Variants in CNTN5 observed in about 807,000 individuals in gnomAD.
CNTN5 encodes contactin 5.
A neutral mutation model predicts 129.1 loss-of-function variants in CNTN5; 77 were observed. The observed-to-expected ratio is 0.60, with a 90% CI of 0.50 to 0.72. CNTN5 has a LOEUF of 0.72. Ranked by LOEUF, CNTN5 falls within the 30% of genes least tolerant of loss-of-function variation. The pLI is 0.00. For synonymous variants in CNTN5, 509 were observed against 465.6 expected, an observed-to-expected ratio of 1.09 and a Z score of -1.20; for missense variants, 1,478 against 1,328.8, an observed-to-expected ratio of 1.11 and a Z score of -1.75.
intron 1 of CNTN5, among the ~76,000 whole-genome samples, chr11:99,229,644 G>A (rs1048326979): frequency 6.6e-6 from 1 of 151,856 alleles, no homozygotes; most frequent in Admixed American, 6.6e-5. Flanking sequence ...AGGAGAGCGT[G>A]ATTTTAAACA....
chr11:99,760,289 A>G (rs1208088680), intron 3 of CNTN5, among the ~76,000 whole-genome samples: 1 of 152,112 alleles, frequency 6.6e-6, no homozygotes, highest in Non-Finnish European at 1.5e-5. Context: ...AACTGTCACA[A>G]TTACGCTAAT....
chr11:99,626,586 T>G (rs954685221), intron 3 of CNTN5, among the ~76,000 whole-genome samples: 1 of 152,180 alleles, frequency 6.6e-6, no homozygotes, highest in Non-Finnish European at 1.5e-5. Context: ...ATTGCAGTGC[T>G]GGCTTTCTGC....
intron 9 of CNTN5, among the ~76,000 whole-genome samples, chr11:100,025,904 GA>G (rs1297030393): frequency 8.2e-4 from 125 of 152,288 alleles, no homozygotes; most frequent in African/African-American, 2.9e-3. Context: ...TCGTGTCTCA[GA>G]TGAGACTTTG....
intron 3 of CNTN5, among the ~76,000 whole-genome samples, chr11:99,577,092 G>T (rs1053154738): frequency 6.6e-6 from 1 of 152,062 alleles, no homozygotes; most frequent in Non-Finnish European, 1.5e-5. Flanking sequence ...ACTTTTTGTG[G>T]CACAATTGTT....
intron 2 of CNTN5, among the ~76,000 whole-genome samples, chr11:99,411,698 A>G (rs1478236589): frequency 2.0e-5 from 3 of 152,164 alleles, no homozygotes; most frequent in East Asian, 1.9e-4. Context: ...CTAGAGCCCA[A>G]GGAAATAGAA....
intron 3 of CNTN5, among the ~76,000 whole-genome samples, chr11:99,812,200 GAT>G (rs1398615145): frequency 6.6e-5 from 10 of 152,090 alleles, no homozygotes. Context: ...GTTTTCTGTA[GAT>G]ATATAGAGTC....
chr11:99,527,938 T>G (rs1251960445), intron 2 of CNTN5, among the ~76,000 whole-genome samples: 1 of 152,148 alleles, frequency 6.6e-6, no homozygotes, highest in South Asian at 2.1e-4. Context: ...AATCCAGAGA[T>G]GCAAATTTTA....
chr11:100,272,588 G>A (rs1950426236), intron 18 of CNTN5, among the ~76,000 whole-genome samples: 1 of 152,108 alleles, frequency 6.6e-6, no homozygotes, highest in Admixed American at 6.5e-5. Context: ...AAATGGAACA[G>A]CTCCTACTGA....
At chr11:99,956,707 G>GCAATATAT (rs1234982666) in intron 7 of CNTN5, 99 bp from the exon 8 acceptor site, 3 of 763,914 alleles carry the variant, frequency 3.9e-6, no homozygotes, top group Non-Finnish European at 6.6e-6. Context: ...GTATGACCTT[G>GCAATATAT]CAATATATCT....
chr11:99,493,617 A>G (rs1946116825), intron 2 of CNTN5, among the ~76,000 whole-genome samples: 1 of 152,182 alleles, frequency 6.6e-6, no homozygotes. Flanking sequence ...TGCAGGTTCA[A>G]AAAAACAAAT....
chr11:99,864,950 A>G (rs1287430606), intron 6 of CNTN5, among the ~76,000 whole-genome samples: 1 of 152,218 alleles, frequency 6.6e-6, no homozygotes, highest in African/African-American at 2.4e-5. Context: ...GAATAAAAAC[A>G]ATCATTGGCA....
At chr11:99,679,457 TTAA>T (rs1355639723) in intron 3 of CNTN5, among the ~76,000 whole-genome samples, 2 of 152,056 alleles carry the variant, frequency 1.3e-5, no homozygotes, top group African/African-American at 4.8e-5. Flanking sequence ...AACTTTATTA[TTAA>T]TATTATGTCT....
chr11:99,713,349 A>G (rs935345150), intron 3 of CNTN5, among the ~76,000 whole-genome samples: 3 of 152,078 alleles, frequency 2.0e-5, no homozygotes, highest in African/African-American at 4.8e-5. Flanking sequence ...TTGACTTTGT[A>G]TCCTGAGACT....
intron 1 of CNTN5, among the ~76,000 whole-genome samples, chr11:99,322,055 C>A (rs1865596643): frequency 6.6e-6 from 1 of 152,146 alleles, no homozygotes; most frequent in Non-Finnish European, 1.5e-5. Flanking sequence ...TTCCCCAGAT[C>A]TCCTTGTCCC....
At chr11:99,497,465 A>C (rs1397316692) in intron 2 of CNTN5, among the ~76,000 whole-genome samples, 1 of 152,184 alleles carries the variant, frequency 6.6e-6, no homozygotes, top group East Asian at 1.9e-4. Context: ...CCTTTTCTGT[A>C]GGAACTTAGT....
At chr11:99,886,751 A>G (rs1177926141) in intron 6 of CNTN5, among the ~76,000 whole-genome samples, 1 of 152,226 alleles carries the variant, frequency 6.6e-6, no homozygotes, top group Non-Finnish European at 1.5e-5. Flanking sequence ...ACAGCAGTGA[A>G]AACTAATGAA....
At chr11:100,279,534 T>A (rs1271039202) in intron 18 of CNTN5, among the ~76,000 whole-genome samples, 1 of 151,944 alleles carries the variant, frequency 6.6e-6, no homozygotes, top group Non-Finnish European at 1.5e-5. Flanking sequence ...CATAGTTCAA[T>A]CTTGATAGGT....
At chr11:99,445,489 G>A (rs967586610) in intron 2 of CNTN5, among the ~76,000 whole-genome samples, 2 of 152,028 alleles carry the variant, frequency 1.3e-5, no homozygotes, top group African/African-American at 4.8e-5. Context: ...CATATTGTTT[G>A]TAGCAAACAT....
intron 13 of CNTN5, among the ~76,000 whole-genome samples, chr11:100,147,634 G>GTAT (rs1056469710): frequency 6.6e-6 from 1 of 151,966 alleles, no homozygotes; most frequent in Non-Finnish European, 1.5e-5. Flanking sequence ...AAAAATGCGT[G>GTAT]TATTTGTGTG....
Sources: gnomAD v4.1 joint callset for allele counts (sites outside exome capture counted in the v4.1 genomes callset) on GRCh38, gnomAD v4.1.1 for gene constraint, MANE v1.5 for transcripts, NCBI Gene and HGNC (gene_info 2026-07-23, HGNC 2026-07-21) for gene names.